The following MGA variants were observed in gnomAD, a reference collection of about 807,000 sequenced individuals.
MGA encodes MAX dimerization protein MGA, also known as MAX gene-associated protein.
Under a neutral mutation model 261.1 loss-of-function variants are expected in MGA, and 40 were observed. The ratio of observed to expected loss-of-function variants is 0.15; its 90% CI spans 0.12 to 0.20. MGA has a LOEUF of 0.20. MGA is among the 10% of genes least tolerant of loss of function. The pLI is 1.00. For synonymous variants in MGA, 1,302 were observed against 1,290.6 expected (o/e 1.01, Z -0.19); for missense variants, 3,397 against 3,630.5 (o/e 0.94, Z 1.65).
In MGA at chr15:41,766,147, A is replaced by T; in HGVS notation, c.8065A>T (p.Arg2689Trp). ...ATCTGACCATCTGAAAGACACCGTC[A>T]GGAATGAAGATAATTCCTTAGAGGA... Residue 2689 changes from arginine (R) to tryptophan (W), a missense_variant, in exon 24 of 24, where the codon AGG becomes TGG. Physicochemically the swap from Arg to Trp is moderately radical, Grantham distance 101. This residue lies in a region of MGA where 647 missense variants were observed against 642.4 expected (regional missense o/e 1.01). Transcript: ENST00000219905. The T allele has an allele frequency of 6.2e-7, 1 of 1,614,060 alleles. No individual in the cohort carries two copies. Among genetic ancestry groups the T allele is most frequent in the Non-Finnish European group, 8.5e-7 (1 of 1,179,900 alleles).
At chr15:41,678,112 A>G (rs1466320503) in intron 2 of MGA, among the ~76,000 whole-genome samples, 2 of 144,602 alleles carry the variant, frequency 1.4e-5, no homozygotes, top group Non-Finnish European at 3.0e-5. Context: ...TTTTTTTGAG[A>G]CAGAGTCTTG....
chr15:41,635,685 G>T (rs2056688912), intron 1 of MGA, among the ~76,000 whole-genome samples: 1 of 152,158 alleles, frequency 6.6e-6, no homozygotes, highest in East Asian at 1.9e-4. Context: ...AACAGAGTGG[G>T]TGTCTCAGAA....
chr15:41,752,772 G>C (rs904421548), intron 17 of MGA, among the ~76,000 whole-genome samples: 2 of 151,946 alleles, frequency 1.3e-5, no homozygotes, highest in African/African-American at 4.8e-5. Context: ...TGGCCAGGCT[G>C]GTCTTGAACT....
At chr15:41,652,771 GT>G (rs2057093316) in intron 1 of MGA, among the ~76,000 whole-genome samples, 2 of 151,734 alleles carry the variant, frequency 1.3e-5, no homozygotes, top group South Asian at 4.2e-4. Context: ...GAGGGGATTT[GT>G]TTTTATTTAT....
rs778522495 is a variant in MGA, at chr15:41,740,092, C to T, written c.4474C>T (p.Arg1492Cys). Residue 1492 changes from arginine to cysteine, a missense_variant, in exon 14 of 24, where the codon CGT (arginine) becomes TGT (cysteine). Coordinates refer to ENST00000219905, the MANE Select transcript of MGA (RefSeq NM_001164273.2). Reference sequence around the variant, plus strand: ...CAAGGTGGCTGCATCCAGGAAACCACGTACCCTGTTGCCTTCAACATCCAA... The same window carrying T: ...CAAGGTGGCTGCATCCAGGAAACCATGTACCCTGTTGCCTTCAACATCCAA... 2.6e-5 allele frequency: 42 copies of T among 1,613,914 alleles called. No individual in the cohort carries two copies. Among genetic ancestry groups the T allele is most frequent in the Admixed American group, 5.0e-5 (3 of 60,004 alleles).
At chr15:41,659,181 A>T (rs1292146792), upstream of MGA, among the ~76,000 whole-genome samples, 2 of 152,326 alleles carry the variant, frequency 1.3e-5, no homozygotes, top group Non-Finnish European at 2.9e-5. Flanking sequence ...AGTAGCCTAC[A>T]CGTTTTCTAG....
At chr15:41,656,563 T>G (rs1211607455), upstream of MGA, among the ~76,000 whole-genome samples, 1 of 151,788 alleles carries the variant, frequency 6.6e-6, no homozygotes, top group African/African-American at 2.4e-5. Context: ...TCTTGCCATG[T>G]TGCCCAGGCT....
At chr15:41,677,754 A>C (rs901968963) in intron 2 of MGA, among the ~76,000 whole-genome samples, 7 of 152,194 alleles carry the variant, frequency 4.6e-5, no homozygotes, top group Admixed American at 4.6e-4. Flanking sequence ...TGTTTATTCA[A>C]GTGCTTTGCC....
chr15:41,685,976 G>A (rs1186420939), intron 2 of MGA, among the ~76,000 whole-genome samples: 1 of 148,252 alleles, frequency 6.7e-6, no homozygotes, highest in Non-Finnish European at 1.5e-5. Context: ...CTGCACTCCA[G>A]CCTGGGTGAC....
chr15:41,664,156 A>G (rs575021617), intron 1 of MGA, among the ~76,000 whole-genome samples: 4 of 152,348 alleles, frequency 2.6e-5, no homozygotes, highest in African/African-American at 7.2e-5. Flanking sequence ...TATACAAATC[A>G]TAAGTCAGAA....
chr15:41,755,567 A>G lies in MGA; in HGVS notation c.7139+1000A>G, dbSNP rs183558152. 4.6e-5 allele frequency among the ~76,000 whole-genome samples: 7 copies of G among 152,364 alleles called. No homozygotes were observed. The East Asian group carries it at 1.3e-3, about 29-fold the overall frequency. ...AAATGCCGTGTGAGAACATTCTCTG[A>G]CAAGCTGTGTAAGACTTTTCTTACA... On this transcript the variant is annotated intron_variant, in intron 18 of 23. Transcript: ENST00000219905.
chr15:41,762,105 C>T (rs775758057), intron 21 of MGA, 24 bp from the exon 22 acceptor site: 8 of 1,553,848 alleles, frequency 5.1e-6, no homozygotes, highest in Non-Finnish European at 7.1e-6. Context: ...GCTGAAAGTG[C>T]TAATGTATTC....
At chr15:41,760,564 A>T (rs1464758481) in intron 20 of MGA, 35 bp downstream of exon 20, 2 of 1,592,048 alleles carry the variant, frequency 1.3e-6, no homozygotes, top group Non-Finnish European at 1.7e-6. Flanking sequence ...TAAGAGCTTG[A>T]CTAAGAGATT....
chr15:41,752,902 A>G (rs1595983000), intron 17 of MGA, among the ~76,000 whole-genome samples: 1 of 152,154 alleles, frequency 6.6e-6, no homozygotes, highest in East Asian at 1.9e-4. Flanking sequence ...TGAATGTACT[A>G]ATAGGGAATT....
At chr15:41,734,214 G>A (rs992869890) in intron 11 of MGA, among the ~76,000 whole-genome samples, 3 of 151,472 alleles carry the variant, frequency 2.0e-5, no homozygotes, top group Admixed American at 2.0e-4. Flanking sequence ...GGCCTCAACT[G>A]GTGAATTTTC....
chr15:41,713,418 G>A lies in MGA; in HGVS notation c.3352G>A (p.Ala1118Thr), dbSNP rs1349632792. 1.3e-6 allele frequency: 2 copies of A among 1,584,912 alleles called. No individual in the cohort carries two copies. Among genetic ancestry groups the A allele is most frequent in the Non-Finnish European group, 1.7e-6 (2 of 1,164,600 alleles). The change falls in exon 9 of 24, where the codon GCA becomes ACA. Residue 1118 changes from alanine to threonine, a missense_variant. Ala to Thr is a moderately conservative substitution (Grantham distance 58). This residue lies in a region of MGA where 519 missense variants were observed against 554.1 expected (regional missense o/e 0.94). Coordinates refer to ENST00000219905, the MANE Select transcript of MGA (RefSeq NM_001164273.2). Reference sequence around the variant, plus strand: ...ATTTTATGATACTCTGGGAGAGGAGGCAAGGGAGGAGGAAGAAGGAATCAG... The same window carrying A: ...ATTTTATGATACTCTGGGAGAGGAGACAAGGGAGGAGGAAGAAGGAATCAG...
chr15:41,667,673 T>G (rs1482882527), intron 1 of MGA, among the ~76,000 whole-genome samples: 1 of 152,146 alleles, frequency 6.6e-6, no homozygotes, highest in Non-Finnish European at 1.5e-5. Flanking sequence ...AGTCACCATG[T>G]CCAGCCCCCT....
At chr15:41,653,703 C>T (rs1013506023) in intron 1 of MGA, among the ~76,000 whole-genome samples, 25 of 149,090 alleles carry the variant, frequency 1.7e-4, no homozygotes, top group African/African-American at 6.2e-4. Context: ...CAGAGTGAGA[C>T]CCCATCTCTT....
chr15:41,765,493 T>A (rs2063752469), intron 23 of MGA, among the ~76,000 whole-genome samples: 1 of 152,140 alleles, frequency 6.6e-6, no homozygotes, highest in Non-Finnish European at 1.5e-5. Flanking sequence ...CTCACTTGGG[T>A]GATTAGGTTC....
Sources: allele counts gnomAD v4.1 joint callset (sites outside exome capture counted in the v4.1 genomes callset), GRCh38; gene constraint gnomAD v4.1.1; regional missense constraint gnomAD v4.1.1; transcripts MANE v1.5; gene names NCBI Gene and HGNC (gene_info 2026-07-23, HGNC 2026-07-21).